Variants in BBS12 observed in about 807,000 individuals in gnomAD.
BBS12 encodes the protein chaperonin-containing T-complex member BBS12.
A neutral mutation model predicts 5.6 loss-of-function variants in BBS12; 5 were observed. That is an observed-to-expected ratio of 0.89 (90% CI 0.46 to 1.86). The LOEUF is 1.86. Among genes scored for constraint, BBS12 ranks in the 40% most tolerant of loss-of-function variants. The pLI is 0.01. For missense variants in BBS12, 748 were observed against 830.4 expected (o/e 0.90, Z 1.22); for synonymous variants, 308 against 306.8 (o/e 1.00, Z -0.04).
rs781330503 is a variant in BBS12, at chr4:122,741,870, AT to A, written c.-10-9del. ...ATACTGAATAAAGTTACAAGTTTTTATTTTGTTTGCAGATCATGATACATGG... is the reference window on the plus strand; with the variant it reads ...ATACTGAATAAAGTTACAAGTTTTTATTTGTTTGCAGATCATGATACATGG... On this transcript the variant is annotated splice_polypyrimidine_tract_variant and intron_variant, in intron 1 of 1. Coordinates refer to ENST00000314218, the MANE Select transcript of BBS12 (RefSeq NM_152618.3). 6 of 1,606,838 alleles carry A rather than the reference AT, an allele frequency of 3.7e-6. No homozygotes were observed. The South Asian group carries it at 6.6e-5, about 18-fold the overall frequency.
Position 122,742,652 on chromosome 4 carries a change from G to A in BBS12, c.760G>A (p.Glu254Lys). Reference sequence around the variant, plus strand: ...GGTAAGCAAACCAGATGGATTTCAAGAACATGTTACAGCTACTCACAAAAC... The same window carrying A: ...GGTAAGCAAACCAGATGGATTTCAAAAACATGTTACAGCTACTCACAAAAC... ...EGVSKPDGFQ[E>K]HVTATHKTYR... The change falls in exon 2 of 2, where the codon GAA becomes AAA. Residue 254 changes from glutamate to lysine, a missense_variant. Glu to Lys is a moderately conservative substitution (Grantham distance 56). Transcript: ENST00000314218. 1 of 1,614,226 alleles carries A rather than the reference G, an allele frequency of 6.2e-7. No individual in the cohort carries two copies. The highest frequency in any genetic ancestry group is 8.5e-7 in the Non-Finnish European group (1 of 1,180,044).
the BBS12 span, among the ~76,000 whole-genome samples, chr4:122,705,763 G>C: frequency 3.5e-4 from 54 of 152,330 alleles, no homozygotes; most frequent in South Asian, 0.011. Context: ...GGCATGTACA[G>C]TTAATGTGAA....
rs1160982211 is a variant in BBS12 at position 122,742,057 on chromosome 4, G to C, written c.165G>C (p.Arg55Ser). Residue 55 changes from arginine to serine, a missense_variant, in exon 2 of 2, where the codon AGG (arginine) becomes AGC (serine). Physicochemically the swap from Arg to Ser is moderately radical, Grantham distance 110. Coordinates refer to ENST00000314218, the MANE Select transcript of BBS12 (RefSeq NM_152618.3). Reference protein sequence around the residue: ...HESVLISSTVRLLESLDLTSA... With the variant: ...HESVLISSTVSLLESLDLTSA... ...GTGTATTAATCAGTTCAACAGTAAG[G>C]CTTCTTGAAAGTTTGGATTTAACCA... 3.4e-5 allele frequency: 55 copies of C among 1,613,974 alleles called. No homozygotes were observed. The highest frequency in any genetic ancestry group is 4.6e-5 in the Non-Finnish European group (54 of 1,180,004).
At chr4:122,703,351 G>A in the BBS12 span, among the ~76,000 whole-genome samples, 4 of 152,334 alleles carry the variant, frequency 2.6e-5, no homozygotes, top group East Asian at 7.7e-4. Context: ...TAGGGAGCCA[G>A]AGGTATATCG....
chr4:122,725,335 G>A, the BBS12 span, among the ~76,000 whole-genome samples: 2 of 152,112 alleles, frequency 1.3e-5, no homozygotes, highest in African/African-American at 4.8e-5. Context: ...AACAAATCTG[G>A]AGGCATCACA....
upstream of BBS12, among the ~76,000 whole-genome samples, chr4:122,727,961 A>T (rs1293096422): frequency 3.3e-5 from 5 of 152,232 alleles, no homozygotes. Flanking sequence ...AATGCCTCTC[A>T]TAAGAGAAAT....
the BBS12 span, among the ~76,000 whole-genome samples, chr4:122,704,203 C>G: frequency 6.6e-6 from 1 of 152,136 alleles, no homozygotes; most frequent in East Asian, 1.9e-4. Flanking sequence ...GCAAAGCATG[C>G]CACTCAAAAG....
upstream of BBS12, chr4:122,728,836 G>A (rs1426083177): frequency 6.6e-6 from 1 of 152,200 alleles, no homozygotes; most frequent in Non-Finnish European, 1.5e-5. Context: ...AATTTTCTAT[G>A]AGTCTTTCTT....
At position 122,742,516 on chromosome 4, in the gene BBS12, A is replaced by G. The variant is rs1423331367; in HGVS notation, c.624A>G (p.Ala208=). The G allele has an allele frequency of 1.9e-6, 3 of 1,614,082 alleles. No individual in the cohort carries two copies. Among genetic ancestry groups the G allele is most frequent in the Middle Eastern group, 1.6e-4 (1 of 6,084 alleles). ...TTAAACCTCAGACAAAGGTTGAAGC[A>G]GATAACAACACATCACGAACTCTGA... ...ELFKPQTKVE[A]DNNTSRTLKN... Residue 208 remains alanine, a synonymous_variant, in exon 2 of 2, where the codon GCA becomes GCG. Coordinates refer to ENST00000314218, the MANE Select transcript of BBS12 (RefSeq NM_152618.3).
chr4:122,709,907 C>T, the BBS12 span, among the ~76,000 whole-genome samples: 2 of 152,166 alleles, frequency 1.3e-5, no homozygotes, highest in South Asian at 2.1e-4. Context: ...CCACCCCTCT[C>T]AGCCTCCCAA....
chr4:122,720,882 C>G, the BBS12 span, among the ~76,000 whole-genome samples: 5 of 116,948 alleles, frequency 4.3e-5, no homozygotes, highest in East Asian at 1.3e-3. Context: ...TAAAATCACT[C>G]AGAATAAAAA....
chr4:122,728,490 T>A (rs547804536), upstream of BBS12: 5 of 152,228 alleles, frequency 3.3e-5, no homozygotes, highest in Non-Finnish European at 7.4e-5. Context: ...CATTAAAAAG[T>A]GGCAAAAATC....
the BBS12 span, among the ~76,000 whole-genome samples, chr4:122,704,132 G>A: frequency 6.6e-6 from 1 of 152,222 alleles, no homozygotes; most frequent in Non-Finnish European, 1.5e-5. Context: ...TTACACGTGT[G>A]AGTCACCATG....
At chr4:122,729,644 T>G (rs1800672635), upstream of BBS12, 1 of 152,224 alleles carries the variant, frequency 6.6e-6, no homozygotes, top group Non-Finnish European at 1.5e-5. Flanking sequence ...ATATGTTTAC[T>G]GAGGTTAACA....
At chr4:122,719,387 A>G in the BBS12 span, among the ~76,000 whole-genome samples, 1 of 152,002 alleles carries the variant, frequency 6.6e-6, no homozygotes, top group Non-Finnish European at 1.5e-5. Context: ...GCAGCAACCC[A>G]CTCGGGTCGG....
At chr4:122,707,101 C>T in the BBS12 span, among the ~76,000 whole-genome samples, 1 of 116,772 alleles carries the variant, frequency 8.6e-6, no homozygotes, top group Non-Finnish European at 1.6e-5. Flanking sequence ...TGGGGCCTTG[C>T]TATGTTGTCC....
At chr4:122,708,016 CTTT>C in the BBS12 span, among the ~76,000 whole-genome samples, 4 of 131,732 alleles carry the variant, frequency 3.0e-5, no homozygotes, top group African/African-American at 1.1e-4. Flanking sequence ...TTTTTCTTTC[CTTT>C]TTTTTTTTTG....
chr4:122,727,774 G>A (rs1286568600), upstream of BBS12, among the ~76,000 whole-genome samples: 10 of 151,630 alleles, frequency 6.6e-5, no homozygotes, highest in Non-Finnish European at 7.4e-5. Context: ...GGCTGGTCTC[G>A]AACTCTGATC....
chr4:122,733,859 C>CTTTT (rs35729794), intron 1 of BBS12: 61 of 97,164 alleles, frequency 6.3e-4, no homozygotes, highest in Non-Finnish European at 9.6e-4. Context: ...TAACTTTAGT[C>CTTTT]TTTTTTTTTT....
Sources: gnomAD v4.1 joint callset for allele counts (sites outside exome capture counted in the v4.1 genomes callset) on GRCh38, gnomAD v4.1.1 for gene constraint, MANE v1.5 for transcripts, NCBI Gene and HGNC (gene_info 2026-07-23, HGNC 2026-07-21) for gene names.